The following CLHC1 variants were observed in gnomAD, a reference collection of about 807,000 sequenced individuals.
The protein encoded by CLHC1 is clathrin heavy chain linker domain containing 1.
In CLHC1, 72 loss-of-function variants were observed where a neutral mutation model predicts 69.5. The observed-to-expected ratio is 1.04, with a 90% CI of 0.86 to 1.26. The LOEUF (loss-of-function observed/expected upper bound fraction) is 1.26, where lower values mean the gene tolerates loss of function less well. Among genes scored for constraint, CLHC1 ranks in the 50% most tolerant of loss-of-function variants. The pLI, the probability that CLHC1 is intolerant of heterozygous loss-of-function variation, is 0.00. For missense variants in CLHC1, 790 were observed against 679.3 expected (o/e 1.16, Z -1.81); for synonymous variants, 223 against 224.3 (o/e 0.99, Z 0.05).
chr2:55,193,039 C>T (rs903408411), intron 9 of CLHC1, among the ~76,000 whole-genome samples: 16 of 139,862 alleles, frequency 1.1e-4, no homozygotes, highest in African/African-American at 2.5e-4. Context: ...TCCAGGTACC[C>T]GCCACCACAC....
At chr2:55,203,972 C>A (rs1461119653) in intron 9 of CLHC1, among the ~76,000 whole-genome samples, 1 of 152,194 alleles carries the variant, frequency 6.6e-6, no homozygotes, top group East Asian at 1.9e-4. Flanking sequence ...GGAAAAAAAT[C>A]TAATAATCTG....
In CLHC1 at chr2:55,199,951, C is replaced by G. The variant is rs939468668; in HGVS notation, c.1006+6319G>C. The stretch of plus-strand genomic sequence containing the variant: ...CAAAAGACATAGAGTGGGCCAGACA[C>G]AGTGGCTCACACCTGTAATCTCAGC... On this transcript the variant is annotated intron_variant, in intron 9 of 12. Transcript: ENST00000401408. Among the ~76,000 whole-genome samples the G allele has an allele frequency of 2.0e-5, 3 of 152,080 alleles. No individual in the cohort carries two copies. In the East Asian group the frequency reaches 5.8e-4, roughly 29 times the overall value.
At chr2:55,214,022 T>A (rs1216670814) in intron 4 of CLHC1, among the ~76,000 whole-genome samples, 1 of 152,054 alleles carries the variant, frequency 6.6e-6, no homozygotes, top group Non-Finnish European at 1.5e-5. Context: ...GGTTGGGGGA[T>A]CACATGTCAT....
chr2:55,216,438 G>A (rs1673514687), intron 4 of CLHC1, among the ~76,000 whole-genome samples: 1 of 152,090 alleles, frequency 6.6e-6, no homozygotes, highest in Non-Finnish European at 1.5e-5. Context: ...AGGATTAAGT[G>A]CTCTAATTCA....
At chr2:55,178,328 A>G (rs966989063) in intron 11 of CLHC1, among the ~76,000 whole-genome samples, 10 of 152,262 alleles carry the variant, frequency 6.6e-5, no homozygotes, top group Non-Finnish European at 1.3e-4. Context: ...GAAAACTTTA[A>G]GAAGCCAGTA....
chr2:55,180,590 T>C lies in CLHC1; in HGVS notation c.1304A>G (p.Lys435Arg). 1 of 1,614,076 alleles carries C rather than the reference T, an allele frequency of 6.2e-7. No homozygotes were observed. Among genetic ancestry groups the C allele is most frequent in the Non-Finnish European group, 8.5e-7 (1 of 1,179,986 alleles). Residue 435 changes from lysine (K) to arginine (R), a missense_variant, in exon 11 of 13, where the codon AAA (lysine) becomes AGA (arginine). Physicochemically the swap from Lys to Arg is conservative, Grantham distance 26. Transcript: ENST00000401408. ...CTGTTTACACAAGCAAAGAATAGCT[T>C]TCTTGTGCAGGCCACATTCACTGTA... is the stretch of plus-strand genomic sequence containing the variant. ...IVYSECGLHKKAILCLCKQGQ... is the reference protein window; with the variant it reads ...IVYSECGLHKRAILCLCKQGQ...
At chr2:55,203,683 C>A (rs1672175107) in intron 9 of CLHC1, among the ~76,000 whole-genome samples, 1 of 152,120 alleles carries the variant, frequency 6.6e-6, no homozygotes. Context: ...ATATTTAAAT[C>A]TAAGACCTCA....
At chr2:55,204,649 G>A (rs1239647434) in intron 9 of CLHC1, among the ~76,000 whole-genome samples, 1 of 152,092 alleles carries the variant, frequency 6.6e-6, no homozygotes, top group Non-Finnish European at 1.5e-5. Context: ...TTAATGCAGT[G>A]CTATTCACAA....
chr2:55,210,895 G>T (rs1054883711), intron 5 of CLHC1, among the ~76,000 whole-genome samples: 6 of 151,654 alleles, frequency 4.0e-5, no homozygotes, highest in South Asian at 4.2e-4. Flanking sequence ...CTCTCACAGG[G>T]TCTGCCCAGG....
chr2:55,200,565 C>G (rs917395247), intron 9 of CLHC1, among the ~76,000 whole-genome samples: 1 of 152,002 alleles, frequency 6.6e-6, no homozygotes, highest in African/African-American at 2.4e-5. Flanking sequence ...GAAATAGACC[C>G]CAATATAATA....
At chr2:55,181,126 G>T (rs779511148) in intron 10 of CLHC1, among the ~76,000 whole-genome samples, 1 of 151,986 alleles carries the variant, frequency 6.6e-6, no homozygotes, top group Non-Finnish European at 1.5e-5. Flanking sequence ...GACTACAGCC[G>T]TGCGCCACCA....
Position 55,206,337 on chromosome 2 carries a change from T to A in CLHC1, c.939A>T (p.Ala313=). 6.2e-7 allele frequency: 1 copy of A among 1,610,532 alleles called. No individual in the cohort carries two copies. Among genetic ancestry groups the A allele is most frequent in the South Asian group, 1.1e-5 (1 of 91,010 alleles). Reference sequence around the variant, plus strand: ...TAGGACTGTTTGCTGCATAACAAGCTGCCTTTTCATATTCACCAAGTGAGA... The same window carrying A: ...TAGGACTGTTTGCTGCATAACAAGCAGCCTTTTCATATTCACCAAGTGAGA... ...ELISLGEYEK[A]ACYAANSPRR... Residue 313 remains alanine (A), a synonymous_variant, in exon 9 of 13, where the codon GCA becomes GCT. Coordinates refer to ENST00000401408, the MANE Select transcript of CLHC1 (RefSeq NM_152385.4).
intron 9 of CLHC1, among the ~76,000 whole-genome samples, chr2:55,199,296 C>CAAAAAAAAAA (rs57570449): frequency 1.4e-5 from 1 of 70,958 alleles, no homozygotes; most frequent in East Asian, 3.6e-4. Context: ...GACTCCATCT[C>CAAAAAAAAAA]AAAAAAAAAA....
At chr2:55,219,708 C>T (rs1263010861) in intron 3 of CLHC1, among the ~76,000 whole-genome samples, 2 of 152,138 alleles carry the variant, frequency 1.3e-5, no homozygotes, top group East Asian at 3.8e-4. Flanking sequence ...GAGACCCCAG[C>T]ATTAAGGCTG....
chr2:55,211,597 A>T (rs1673021085), intron 5 of CLHC1, among the ~76,000 whole-genome samples: 1 of 152,004 alleles, frequency 6.6e-6, no homozygotes, highest in African/African-American at 2.4e-5. Flanking sequence ...TTTAGTATAG[A>T]GTAGCTCATT....
intron 3 of CLHC1, among the ~76,000 whole-genome samples, chr2:55,219,835 C>T (rs1472094343): frequency 6.6e-6 from 1 of 152,142 alleles, no homozygotes; most frequent in African/African-American, 2.4e-5. Context: ...ACTATTTGTA[C>T]AATATGCTAC....
At chr2:55,203,718 A>G (rs900322300) in intron 9 of CLHC1, among the ~76,000 whole-genome samples, 10 of 152,170 alleles carry the variant, frequency 6.6e-5, no homozygotes, top group African/African-American at 9.7e-5. Flanking sequence ...ACAAGAAAAC[A>G]TTGGGGAAAT....
At chr2:55,206,470 C>T (rs1369747785) in intron 8 of CLHC1, 94 bp from the exon 9 acceptor site, 1 of 704,010 alleles carries the variant, frequency 1.4e-6, no homozygotes, top group African/African-American at 1.8e-5. Context: ...AATATAGCGG[C>T]ATAACGATAT....
Position 55,217,958 on chromosome 2 carries a change from GAAGT to G in CLHC1, c.214_217del (p.Thr72GlnfsTer13), listed in dbSNP as rs1276721704. ...AAAGGCATCATATTCTTTTTTGATT[GAAGT>G]AAGAATGGATTTGTATGCAGTGATA... On this transcript the variant is annotated frameshift_variant, in exon 4 of 13. Coordinates refer to ENST00000401408, the MANE Select transcript of CLHC1 (RefSeq NM_152385.4). LOFTEE classifies it high-confidence loss of function. The G allele has an allele frequency of 1.3e-6, 2 of 1,580,730 alleles. No homozygotes were observed. The highest frequency in any genetic ancestry group is 1.7e-6 in the Non-Finnish European group (2 of 1,162,776).
Sources: allele counts gnomAD v4.1 joint callset (sites outside exome capture counted in the v4.1 genomes callset), GRCh38; gene constraint gnomAD v4.1.1; transcripts MANE v1.5; gene names NCBI Gene and HGNC (gene_info 2026-07-23, HGNC 2026-07-21).